Variants in PIKFYVE observed in about 807,000 individuals in gnomAD.
PIKFYVE encodes 1-phosphatidylinositol 3-phosphate 5-kinase.
A neutral mutation model predicts 257.9 loss-of-function variants in PIKFYVE; 122 were observed. That is an observed-to-expected ratio of 0.47 (90% confidence interval 0.41 to 0.55). The LOEUF is 0.55. Among genes scored for constraint, PIKFYVE ranks in the 20% least tolerant of loss-of-function variants. The pLI, the probability that PIKFYVE is intolerant of heterozygous loss-of-function variation, is 0.00. For missense variants in PIKFYVE, 2,160 were observed against 2,536.6 expected, an observed-to-expected ratio of 0.85 and a Z score of 3.19; for synonymous variants, 892 against 868.9, an observed-to-expected ratio of 1.03 and a Z score of -0.47.
rs765729026 is a variant in PIKFYVE at position 208,345,166 on chromosome 2, A to G, written c.5083A>G (p.Ser1695Gly). The change falls in exon 33 of 42, where the codon AGT (serine) becomes GGT (glycine). Residue 1695 changes from serine to glycine, a missense_variant. Transcript: ENST00000264380. ...EELSKATQWN[S>G]AEEGLPTNST... The stretch of plus-strand genomic sequence containing the variant: ...ATTGTCTAAAGCGACTCAGTGGAAC[A>G]GTGCCGAAGAAGGGCTTCCAACAAA... 1 of 1,612,828 alleles carries G rather than the reference A, an allele frequency of 6.2e-7. No individual in the cohort carries two copies. Among genetic ancestry groups the G allele is most frequent in the Admixed American group, 1.7e-5 (1 of 60,012 alleles).
At chr2:208,346,251 ACTACTTATGAT>A (rs200295076) in intron 34 of PIKFYVE, 104 bp downstream of exon 34, 18,650 of 918,664 alleles carry the variant, frequency 0.02, 373 homozygotes, top group Admixed American at 0.067. Flanking sequence ...GCAATGATTT[ACTACTTATGAT>A]CTCTGAAATA....
chr2:208,326,521 G>A (rs530692792), intron 20 of PIKFYVE, 92 bp downstream of exon 20: 10 of 1,342,632 alleles, frequency 7.4e-6, no homozygotes, highest in Middle Eastern at 2.3e-4. Flanking sequence ...TTGGCAGACT[G>A]CATGCAGATT....
chr2:208,299,734 A>C (rs959855), intron 8 of PIKFYVE, among the ~76,000 whole-genome samples: 141,605 of 152,270 alleles, frequency 0.93, 66,373 homozygotes, highest in Non-Finnish European at 0.98. Flanking sequence ...ATTTAATACT[A>C]TATGTTTATA....
At chr2:208,271,372 A>G in intron 1 of PIKFYVE, 139 bp from the exon 2 acceptor site, 1 of 800,172 alleles carries the variant, frequency 1.2e-6, no homozygotes, top group South Asian at 1.5e-5. Context: ...GAATATATGA[A>G]GCTAGATTTA....
At chr2:208,340,268 T>C in intron 31 of PIKFYVE, 137 bp downstream of exon 31, 1 of 1,156,656 alleles carries the variant, frequency 8.6e-7, no homozygotes, top group Non-Finnish European at 1.2e-6. Flanking sequence ...AAGAGATGTC[T>C]TTTGATACAA....
intron 12 of PIKFYVE, among the ~76,000 whole-genome samples, chr2:208,308,233 T>G (rs1371099590): frequency 6.6e-6 from 1 of 151,888 alleles, no homozygotes; most frequent in Non-Finnish European, 1.5e-5. Flanking sequence ...ACCCCGTCTC[T>G]ACAAAAAATA....
At chr2:208,302,837 T>C (rs1218246807) in intron 10 of PIKFYVE, among the ~76,000 whole-genome samples, 2 of 152,142 alleles carry the variant, frequency 1.3e-5, no homozygotes, top group Non-Finnish European at 2.9e-5. Flanking sequence ...CCCAGCACTT[T>C]GGGAGGCTGA....
chr2:208,305,329 G>T (rs1694191958), intron 12 of PIKFYVE: 2 of 1,226,124 alleles, frequency 1.6e-6, no homozygotes, highest in Non-Finnish European at 1.0e-6. Flanking sequence ...TTTATAACAT[G>T]GATGTTCTGC....
chr2:208,286,407 T>C (rs748660621), intron 6 of PIKFYVE, among the ~76,000 whole-genome samples: 32 of 152,326 alleles, frequency 2.1e-4, no homozygotes, highest in Middle Eastern at 3.4e-3. Flanking sequence ...TCTGTAAGTA[T>C]ACTGCACTGC....
At chr2:208,305,812 TAAATA>T (rs1483188882) in intron 12 of PIKFYVE, among the ~76,000 whole-genome samples, 1 of 151,798 alleles carries the variant, frequency 6.6e-6, no homozygotes, top group Non-Finnish European at 1.5e-5. Flanking sequence ...CATGAGTAAA[TAAATA>T]AATGTGGGAT....
rs767644898 is a variant in PIKFYVE at position 208,336,888 on chromosome 2, C to T, written c.4571C>T (p.Pro1524Leu). Residue 1524 changes from proline to leucine, a missense_variant, in exon 28 of 42, where the codon CCT becomes CTT. Physicochemically the swap from Pro to Leu is moderately conservative, Grantham distance 98. Around this residue, in one of 12 missense-constraint regions of PIKFYVE, gnomAD observed 699 missense variants for 855.8 expected, o/e 0.82. Coordinates refer to ENST00000264380, the MANE Select transcript of PIKFYVE (RefSeq NM_015040.4). Reference sequence around the variant, plus strand: ...AAGGGTAGAAAGAGACCTTCAGTTCCTCCAAGTCCTGGAAGACTGAGACAA... The same window carrying T: ...AAGGGTAGAAAGAGACCTTCAGTTCTTCCAAGTCCTGGAAGACTGAGACAA... ...QEKGRKRPSVPPSPGRLRQGE... is the reference protein window; with the variant it reads ...QEKGRKRPSVLPSPGRLRQGE... The T allele has an allele frequency of 6.2e-7, 1 of 1,613,048 alleles. No individual in the cohort carries two copies. Among genetic ancestry groups the T allele is most frequent in the Non-Finnish European group, 8.5e-7 (1 of 1,179,416 alleles).
intron 12 of PIKFYVE, among the ~76,000 whole-genome samples, chr2:208,310,897 G>A (rs1425096179): frequency 6.6e-6 from 1 of 152,108 alleles, no homozygotes; most frequent in Admixed American, 6.6e-5. Context: ...CTAATTCTGT[G>A]CTATTAAGAC....
At chr2:208,277,010 T>C (rs1424499260) in intron 4 of PIKFYVE, among the ~76,000 whole-genome samples, 180 bp downstream of exon 4, 3 of 152,210 alleles carry the variant, frequency 2.0e-5, no homozygotes, top group East Asian at 3.8e-4. Flanking sequence ...TCAGTTTTTT[T>C]CCCGTTATCC....
At chr2:208,351,202 T>G (rs1699743522) in intron 37 of PIKFYVE, 150 bp from the exon 38 acceptor site, 1 of 850,614 alleles carries the variant, frequency 1.2e-6, no homozygotes, top group South Asian at 1.6e-5. Flanking sequence ...TAATTGAGAA[T>G]TGTGTTCTGA....
At chr2:208,340,167 G>C (rs761593350) in intron 31 of PIKFYVE, 36 bp downstream of exon 31, 7 of 1,610,270 alleles carry the variant, frequency 4.3e-6, no homozygotes, top group Non-Finnish European at 5.9e-6. Flanking sequence ...CTTAGCAGGG[G>C]GGTTATTTTT....
Position 208,346,205 on chromosome 2 carries a change from A to G in PIKFYVE, c.5209+58A>G, listed in dbSNP as rs1447572883. 15 of 1,353,334 alleles carry G rather than the reference A, an allele frequency of 1.1e-5. No homozygotes were observed. The Admixed American group carries it at 2.6e-4, about 23-fold the overall frequency. 83.8% of individuals were successfully genotyped at this position (1,353,334 alleles called of 1,614,324 possible). A position where few individuals can be genotyped will look rare whatever the true frequency, so the allele number is the denominator to read the frequency against. ...AGATTTACCTATAATTATGGTTTGA[A>G]AAAGAAAATACATAAAAACAAATAA... On this transcript the variant is annotated intron_variant, in intron 34 of 41. Coordinates refer to ENST00000264380, the MANE Select transcript of PIKFYVE (RefSeq NM_015040.4).
At chr2:208,318,363 A>C (rs536387430) in intron 16 of PIKFYVE, among the ~76,000 whole-genome samples, 1 of 152,146 alleles carries the variant, frequency 6.6e-6, no homozygotes, top group Non-Finnish European at 1.5e-5. Flanking sequence ...TTCTCACCTT[A>C]TATCTTTGTA....
intron 17 of PIKFYVE, among the ~76,000 whole-genome samples, chr2:208,323,909 T>A (rs1424218640): frequency 6.6e-6 from 1 of 152,126 alleles, no homozygotes; most frequent in East Asian, 1.9e-4. Flanking sequence ...AAATGTCTTC[T>A]TTTGAGAAGT....
intron 29 of PIKFYVE, 44 bp from the exon 30 acceptor site, chr2:208,339,374 T>G (rs750335104): frequency 6.2e-7 from 1 of 1,603,290 alleles, no homozygotes; most frequent in Non-Finnish European, 8.5e-7. Context: ...AGACATGGAC[T>G]TAATGTATGT....
Sources: gnomAD v4.1 joint callset for allele counts (sites outside exome capture counted in the v4.1 genomes callset) on GRCh38, gnomAD v4.1.1 for gene constraint, gnomAD v4.1.1 regional missense constraint, MANE v1.5 for transcripts, NCBI Gene and HGNC (gene_info 2026-07-23, HGNC 2026-07-21) for gene names.